EMILIN2: variants seen among roughly 807,000 people sequenced by gnomAD.
EMILIN2 encodes the protein elastin microfibril interfacer 2, also known as EMILIN-2.
In EMILIN2, 71 loss-of-function variants were observed where a neutral mutation model predicts 87.1. The ratio of observed to expected loss-of-function variants is 0.82; its 90% CI spans 0.67 to 0.99. The LOEUF (loss-of-function observed/expected upper bound fraction) is 0.99, where lower values mean the gene tolerates loss of function less well. Among genes scored for constraint, EMILIN2 ranks in the 50% least tolerant of loss-of-function variants. The probability of loss-of-function intolerance (pLI) is 0.00; values close to 1 mark genes in which losing one functional copy is unlikely to be tolerated. For missense variants in EMILIN2, 1,407 were observed against 1,371.8 expected, an observed-to-expected ratio of 1.03 and a Z score of -0.40; for synonymous variants, 581 against 563.4, an observed-to-expected ratio of 1.03 and a Z score of -0.44.
Position 2,847,395 on chromosome 18 carries a change from C to T in EMILIN2, c.134+73C>T, listed in dbSNP as rs1231897010. The T allele has an allele frequency of 8.0e-7, 1 of 1,242,262 alleles. No homozygotes were observed. Among genetic ancestry groups the T allele is most frequent in the Non-Finnish European group, 1.0e-6 (1 of 987,088 alleles). The allele number at this position is 1,242,262 out of a possible 1,614,324, so 77.0% of individuals were successfully genotyped here. A position where few individuals can be genotyped will look rare whatever the true frequency, so the allele number is the denominator to read the frequency against. Reference sequence around the variant, plus strand: ...GCCCCCAGTTGAGCCCCAGAGCTGCCCTGCCAAAGACGACGAGCGGCAGCC... The same window carrying T: ...GCCCCCAGTTGAGCCCCAGAGCTGCTCTGCCAAAGACGACGAGCGGCAGCC... On this transcript the variant is annotated intron_variant, in intron 1 of 7. Transcript: ENST00000254528. The surrounding 1 kb of genome is among the most constrained non-coding windows in gnomAD (Gnocchi z 4.5).
intron 2 of EMILIN2, among the ~76,000 whole-genome samples, chr18:2,850,463 T>C (rs1013859311): frequency 1.3e-5 from 2 of 151,918 alleles, no homozygotes; most frequent in African/African-American, 4.8e-5. Context: ...TGGGGTGCAG[T>C]GGCACCATCA....
At position 2,891,760 on chromosome 18, in the gene EMILIN2, A is replaced by G; in HGVS notation, c.1633A>G (p.Lys545Glu). 6.2e-7 allele frequency: 1 copy of G among 1,614,236 alleles called. No homozygotes were observed. Among genetic ancestry groups the G allele is most frequent in the Non-Finnish European group, 8.5e-7 (1 of 1,180,050 alleles). The change falls in exon 4 of 8, where the codon AAA becomes GAA. Residue 545 changes from lysine to glutamate, a missense_variant. Physicochemically the swap from Lys to Glu is moderately conservative, Grantham distance 56. Coordinates refer to ENST00000254528, the MANE Select transcript of EMILIN2 (RefSeq NM_032048.3). The surrounding 1 kb of genome is among the most constrained non-coding windows in gnomAD (Gnocchi z 4.6). ...VMMELNHLKDKVQVVEDICLL... is the reference protein window; with the variant it reads ...VMMELNHLKDEVQVVEDICLL... The stretch of plus-strand genomic sequence containing the variant: ...GATGGAATTAAACCACCTGAAGGAC[A>G]AAGTTCAAGTTGTTGAAGACATTTG...
chr18:2,909,013 C>G, intron 6 of EMILIN2, 38 bp downstream of exon 6: 1 of 1,612,130 alleles, frequency 6.2e-7, no homozygotes, highest in Non-Finnish European at 8.5e-7. Context: ...GAGGAGCGGT[C>G]TCCTTGGTGG....
chr18:2,874,523 G>A (rs946135428), intron 2 of EMILIN2, among the ~76,000 whole-genome samples: 1 of 152,112 alleles, frequency 6.6e-6, no homozygotes, highest in Non-Finnish European at 1.5e-5. Context: ...CATCCCTCCA[G>A]GCCTGGAGGT....
chr18:2,868,148 C>G (rs1379124868), intron 2 of EMILIN2, among the ~76,000 whole-genome samples: 12 of 152,224 alleles, frequency 7.9e-5, no homozygotes, highest in Non-Finnish European at 1.5e-4. Context: ...CAGAGGGTCT[C>G]CTCACTTCTC....
Position 2,891,591 on chromosome 18 carries a change from G to A in EMILIN2, c.1464G>A (p.Gln488=). The change falls in exon 4 of 8, where the codon CAG becomes CAA. Residue 488 remains glutamine, a synonymous_variant. Transcript: ENST00000254528. The surrounding 1 kb of genome is among the most constrained non-coding windows in gnomAD (Gnocchi z 4.6). The part of the protein sequence containing the change: ...AINGEVGDLK[Q]LVDQKIQSLE... ...ATGGAGAGGTGGGTGACTTGAAGCA[G>A]CTTGTTGATCAGAAAATACAGTCTC... The A allele has an allele frequency of 6.2e-7, 1 of 1,614,070 alleles. No homozygotes were observed. Among genetic ancestry groups the A allele is most frequent in the Admixed American group, 1.7e-5 (1 of 60,026 alleles).
At chr18:2,849,575 G>A (rs2076593058) in intron 2 of EMILIN2, among the ~76,000 whole-genome samples, 1 of 152,192 alleles carries the variant, frequency 6.6e-6, no homozygotes, top group African/African-American at 2.4e-5. Context: ...GTCAATGCAA[G>A]GCAGTGGGAG....
intron 4 of EMILIN2, among the ~76,000 whole-genome samples, chr18:2,892,881 G>A (rs752078484): frequency 6.7e-6 from 1 of 149,066 alleles, no homozygotes; most frequent in Non-Finnish European, 1.5e-5. Flanking sequence ...GCGAAAATCC[G>A]TCCCTACTAA....
Position 2,847,408 on chromosome 18 carries a change from A to G in EMILIN2, c.134+86A>G. 1 of 1,196,488 alleles carries G rather than the reference A, an allele frequency of 8.4e-7. No homozygotes were observed. Among genetic ancestry groups the G allele is most frequent in the Non-Finnish European group, 1.0e-6 (1 of 956,514 alleles). 74.1% of individuals were successfully genotyped at this position (1,196,488 alleles called of 1,614,324 possible). ...CCCCAGAGCTGCCCTGCCAAAGACGACGAGCGGCAGCCGGGGGCCTCCCTT... is the reference window on the plus strand; with the variant it reads ...CCCCAGAGCTGCCCTGCCAAAGACGGCGAGCGGCAGCCGGGGGCCTCCCTT... On this transcript the variant is annotated intron_variant, in intron 1 of 7. Transcript: ENST00000254528. This position sits in a 1 kb window ranked among gnomAD's most constrained non-coding sequence, Gnocchi z 4.5.
chr18:2,864,673 G>A (rs2076677730), intron 2 of EMILIN2, among the ~76,000 whole-genome samples: 1 of 151,900 alleles, frequency 6.6e-6, no homozygotes, highest in East Asian at 1.9e-4. Flanking sequence ...TTCAACTTTG[G>A]TGAATCTGAC....
At chr18:2,904,005 TGCGTGAGAG>T (rs2076899323) in intron 4 of EMILIN2, among the ~76,000 whole-genome samples, 1 of 152,244 alleles carries the variant, frequency 6.6e-6, no homozygotes, top group African/African-American at 2.4e-5. Flanking sequence ...TAAGAAAGGG[TGCGTGAGAG>T]ATGGCATTTT....
intron 2 of EMILIN2, among the ~76,000 whole-genome samples, chr18:2,850,093 A>ATTTTTTTTT (rs71366611): frequency 9.0e-5 from 11 of 122,526 alleles, no homozygotes; most frequent in Non-Finnish European, 1.4e-4. Context: ...TGCCCAGCTA[A>ATTTTTTTTT]TTTTTTTTTT....
chr18:2,902,220 A>T (rs2076890817), intron 4 of EMILIN2, among the ~76,000 whole-genome samples: 1 of 152,236 alleles, frequency 6.6e-6, no homozygotes, highest in Non-Finnish European at 1.5e-5. Context: ...ATTAGGGTGC[A>T]TGGCCCATAG....
At chr18:2,892,983 C>T (rs533934217) in intron 4 of EMILIN2, among the ~76,000 whole-genome samples, 3 of 151,930 alleles carry the variant, frequency 2.0e-5, no homozygotes, top group African/African-American at 7.2e-5. Flanking sequence ...ACCTGGGAGG[C>T]AGAGGTTAAG....
At chr18:2,857,766 C>T (rs896115895) in intron 2 of EMILIN2, among the ~76,000 whole-genome samples, 3 of 152,274 alleles carry the variant, frequency 2.0e-5, no homozygotes, top group Non-Finnish European at 2.9e-5. Context: ...GTTGTGCTGA[C>T]GATGCTCTGG....
At chr18:2,846,959 G>A, upstream of EMILIN2, 1 of 1,000,100 alleles carries the variant, frequency 1.0e-6, no homozygotes, top group South Asian at 4.2e-5. This position sits in a 1 kb window ranked among gnomAD's most constrained non-coding sequence, Gnocchi z 5.3. Context: ...GGGGGGACCT[G>A]TGCGTCATTG....
Position 2,852,572 on chromosome 18 carries a change from G to T in EMILIN2, c.257+4641G>T, listed in dbSNP as rs564261532. On this transcript the variant is annotated intron_variant, in intron 2 of 7. Coordinates refer to ENST00000254528, the MANE Select transcript of EMILIN2 (RefSeq NM_032048.3). ...CTCGCTCTATTGCCCAGGCTGGAGC[G>T]CAGCGGCACCATCTCGGCTCACTGC... Among the ~76,000 whole-genome samples the T allele has an allele frequency of 5.9e-5, 9 of 152,320 alleles. No individual in the cohort carries two copies. The South Asian group carries it at 1.7e-3, about 28-fold the overall frequency.
Position 2,894,141 on chromosome 18 carries a change from G to C in EMILIN2, c.2359+1655G>C, listed in dbSNP as rs1462409974. Among the ~76,000 whole-genome samples, 1 of 152,154 alleles carries C rather than the reference G, an allele frequency of 6.6e-6. No individual in the cohort carries two copies. The highest frequency in any genetic ancestry group is 1.5e-5 in the Non-Finnish European group (1 of 68,030). The stretch of plus-strand genomic sequence containing the variant: ...CTTGGGATTTTATGATCAAGTCCCA[G>C]ATGAGACATAAAACCCAAGGCAGCG... On this transcript the variant is annotated intron_variant, in intron 4 of 7. Coordinates refer to ENST00000254528, the MANE Select transcript of EMILIN2 (RefSeq NM_032048.3). The surrounding 1 kb of genome is among the most constrained non-coding windows in gnomAD (Gnocchi z 5.0).
rs148206396 is a variant in EMILIN2 at position 2,913,188 on chromosome 18, C to T, written c.2946C>T (p.Thr982=). ...VSNASVAQLH[T]AGYRREFLEY... The stretch of plus-strand genomic sequence containing the variant: ...ACGCCAGCGTGGCCCAGCTGCATAC[C>T]GCTGGGTACAGGAGAGAGTTCCTGG... Residue 982 remains threonine, a synonymous_variant, in exon 8 of 8, where the codon ACC becomes ACT. Transcript: ENST00000254528. 114 of 1,613,990 alleles carry T rather than the reference C, an allele frequency of 7.1e-5. No individual in the cohort carries two copies. The highest frequency in any genetic ancestry group is 8.9e-5 in the Non-Finnish European group (105 of 1,180,018).
Sources: allele counts gnomAD v4.1 joint callset (sites outside exome capture counted in the v4.1 genomes callset), GRCh38; gene constraint gnomAD v4.1.1; non-coding constraint Gnocchi (gnomAD v3.1); transcripts MANE v1.5; gene names NCBI Gene and HGNC (gene_info 2026-07-23, HGNC 2026-07-21).